ERBB4: variants seen among roughly 807,000 people sequenced by gnomAD.
ERBB4 encodes receptor tyrosine-protein kinase erbB-4.
In ERBB4, 42 loss-of-function variants were observed where a neutral mutation model predicts 158.0. That is an observed-to-expected ratio of 0.27 (90% confidence interval 0.21 to 0.34). ERBB4 has a LOEUF of 0.34. Ranked by LOEUF, ERBB4 falls within the 10% of genes least tolerant of loss-of-function variation. The pLI is 1.00. For synonymous variants in ERBB4, 583 were observed against 558.7 expected (o/e 1.04, Z -0.61); for missense variants, 1,333 against 1,624.1 (o/e 0.82, Z 3.08).
intron 3 of ERBB4, among the ~76,000 whole-genome samples, chr2:211,932,871 T>A (rs2080214447): frequency 6.6e-6 from 1 of 152,040 alleles, no homozygotes; most frequent in Non-Finnish European, 1.5e-5. Flanking sequence ...AATGGCTCCA[T>A]AAACACTATT....
intron 13 of ERBB4, among the ~76,000 whole-genome samples, chr2:211,678,664 T>C (rs1266185413): frequency 1.3e-5 from 2 of 152,170 alleles, no homozygotes; most frequent in Non-Finnish European, 2.9e-5. Context: ...CATTTTCTTA[T>C]AATTTTAAAA....
chr2:211,421,580 G>A (rs2063515712), intron 24 of ERBB4, among the ~76,000 whole-genome samples: 1 of 151,502 alleles, frequency 6.6e-6, no homozygotes, highest in African/African-American at 2.4e-5. Flanking sequence ...AATATTTTTG[G>A]GGAAATTAAA....
chr2:211,779,584 A>T (rs1256812089), intron 4 of ERBB4: 2 of 152,170 alleles, frequency 1.3e-5, no homozygotes, highest in Non-Finnish European at 2.9e-5. Flanking sequence ...GTGAAATATT[A>T]TCTTATCCAT....
Position 211,429,190 on chromosome 2 carries a change from T to A in ERBB4, c.2644-707A>T, listed in dbSNP as rs572463292. On this transcript the variant is annotated intron_variant, in intron 21 of 27. Coordinates refer to ENST00000342788, the MANE Select transcript of ERBB4 (RefSeq NM_005235.3). ...ATGCTTCTAAAAATGTGTTTATAGTTTTTTCTCAAAAAATGAGATTTGTTA... is the reference window on the plus strand; with the variant it reads ...ATGCTTCTAAAAATGTGTTTATAGTATTTTCTCAAAAAATGAGATTTGTTA... Among the ~76,000 whole-genome samples the A allele has an allele frequency of 3.9e-4, 60 of 152,210 alleles. 1 individual carries two copies. The highest frequency in any genetic ancestry group is 6.9e-4 in the Non-Finnish European group (47 of 68,008).
chr2:212,089,186 C>T (rs2078701929), intron 2 of ERBB4, among the ~76,000 whole-genome samples: 1 of 151,942 alleles, frequency 6.6e-6, no homozygotes, highest in South Asian at 2.1e-4. Flanking sequence ...ATTAAAATAG[C>T]TTTATTTTTT....
chr2:211,569,362 T>G (rs2067646710), intron 19 of ERBB4, among the ~76,000 whole-genome samples: 1 of 152,232 alleles, frequency 6.6e-6, no homozygotes, highest in South Asian at 2.1e-4. Flanking sequence ...CCTAAAAATG[T>G]TTATTGAGAA....
intron 2 of ERBB4, among the ~76,000 whole-genome samples, chr2:212,070,083 G>C (rs1346649183): frequency 6.6e-6 from 1 of 152,002 alleles, no homozygotes; most frequent in Non-Finnish European, 1.5e-5. Context: ...CTGTACCACT[G>C]TACTCTAGCC....
intron 1 of ERBB4, among the ~76,000 whole-genome samples, chr2:212,377,787 A>C (rs1473968164): frequency 1.3e-5 from 2 of 151,894 alleles, no homozygotes; most frequent in African/African-American, 4.8e-5. Flanking sequence ...AGCTTACCTT[A>C]AGGTTAAGTT....
intron 19 of ERBB4, among the ~76,000 whole-genome samples, chr2:211,592,368 T>A (rs979657978): frequency 2.0e-5 from 3 of 151,964 alleles, no homozygotes; most frequent in Non-Finnish European, 4.4e-5. Flanking sequence ...CTCTCTTAGC[T>A]AAGGGAGAGT....
intron 1 of ERBB4, among the ~76,000 whole-genome samples, chr2:212,247,902 C>A (rs142785504): frequency 1.3e-5 from 2 of 151,282 alleles, no homozygotes; most frequent in African/African-American, 4.9e-5. Context: ...AAGCAGAGGC[C>A]GCAGTGAGCC....
At chr2:211,706,604 A>C (rs917305880) in intron 9 of ERBB4, among the ~76,000 whole-genome samples, 40 of 149,506 alleles carry the variant, frequency 2.7e-4, no homozygotes, top group African/African-American at 8.3e-4. Context: ...AAAAAAACAA[A>C]AAAAAAAAAA....
At chr2:211,388,020 G>T in intron 25 of ERBB4, 28 bp from the exon 26 acceptor site, 2 of 1,497,356 alleles carry the variant, frequency 1.3e-6, no homozygotes, top group Non-Finnish European at 9.3e-7. Flanking sequence ...TGGAATGATG[G>T]ATATAATAAG....
chr2:212,056,435 A>G (rs1015010831), intron 2 of ERBB4, among the ~76,000 whole-genome samples: 11 of 152,166 alleles, frequency 7.2e-5, no homozygotes, highest in African/African-American at 2.7e-4. Context: ...GAACACCACA[A>G]AGAGACTCCT....
intron 17 of ERBB4, among the ~76,000 whole-genome samples, chr2:211,629,317 T>C (rs1439144981): frequency 6.6e-6 from 1 of 151,890 alleles, no homozygotes; most frequent in Non-Finnish European, 1.5e-5. Flanking sequence ...GAGAATAAAA[T>C]ACCTAGGAAT....
chr2:211,758,775 T>A (rs529076147), intron 4 of ERBB4, among the ~76,000 whole-genome samples: 16 of 152,350 alleles, frequency 1.1e-4, no homozygotes, highest in African/African-American at 3.1e-4. Flanking sequence ...CTTGGAGGTG[T>A]GCAGTGCACA....
chr2:212,405,707 C>T (rs2091326535), intron 1 of ERBB4, among the ~76,000 whole-genome samples: 1 of 152,106 alleles, frequency 6.6e-6, no homozygotes, highest in African/African-American at 2.4e-5. Flanking sequence ...AAGTTACGAA[C>T]ATACTTCAAT....
At chr2:211,943,100 A>G (rs1048551201) in intron 3 of ERBB4, among the ~76,000 whole-genome samples, 1 of 152,118 alleles carries the variant, frequency 6.6e-6, no homozygotes, top group Non-Finnish European at 1.5e-5. Context: ...TTTATGAAAG[A>G]TTCCTTTATA....
chr2:212,482,512 G>A (rs1689754493), intron 1 of ERBB4, among the ~76,000 whole-genome samples: 2 of 152,136 alleles, frequency 1.3e-5, no homozygotes, highest in African/African-American at 2.4e-5. Flanking sequence ...GACTCCAAAA[G>A]GTTTAGTAAC....
In ERBB4 at chr2:212,130,569, C is replaced by T. The variant is rs767444821; in HGVS notation, c.83-5666G>A. Among the ~76,000 whole-genome samples, 8 of 152,034 alleles carry T rather than the reference C, an allele frequency of 5.3e-5. No homozygotes were observed. The East Asian group carries it at 1.2e-3, about 22-fold the overall frequency. ...TATATTAAAACTAAAAATTAATTAT[C>T]GCCTCCAAGCTTGTTCTGGCTATGA... On this transcript the variant is annotated intron_variant, in intron 1 of 27. Coordinates refer to ENST00000342788, the MANE Select transcript of ERBB4 (RefSeq NM_005235.3).
Sources: gnomAD v4.1 joint callset for allele counts (sites outside exome capture counted in the v4.1 genomes callset) on GRCh38, gnomAD v4.1.1 for gene constraint, MANE v1.5 for transcripts, NCBI Gene and HGNC (gene_info 2026-07-23, HGNC 2026-07-21) for gene names.